ZNF69: variants seen among roughly 807,000 people sequenced by gnomAD.
ZNF69 encodes zinc finger protein 69.
A neutral mutation model predicts 50.9 loss-of-function variants in ZNF69; 47 were observed. The observed-to-expected ratio is 0.92, with a 90% CI of 0.73 to 1.18. The LOEUF (loss-of-function observed/expected upper bound fraction) is 1.18. Among genes scored for constraint, ZNF69 ranks in the 50% most tolerant of loss-of-function variants. The pLI, the probability that ZNF69 is intolerant of heterozygous loss-of-function variation, is 0.00. For synonymous variants in ZNF69, 216 were observed against 223.1 expected (o/e 0.97, Z 0.29); for missense variants, 717 against 675.1 (o/e 1.06, Z -0.69).
the ZNF69 span, chr19:11,978,553 A>G: frequency 7.4e-6 from 12 of 1,614,090 alleles, no homozygotes; most frequent in Non-Finnish European, 1.0e-5. Flanking sequence ...AAAGCTGTCC[A>G]TTGTCTCAGA....
chr19:11,974,171 C>G, the ZNF69 span, among the ~76,000 whole-genome samples: 2 of 91,848 alleles, frequency 2.2e-5, no homozygotes, highest in South Asian at 6.8e-4. Flanking sequence ...TCCTTCCTTC[C>G]TTCCTTCTTT....
At chr19:11,978,052 G>A in the ZNF69 span, 1 of 1,567,160 alleles carries the variant, frequency 6.4e-7, no homozygotes, top group Non-Finnish European at 8.6e-7. Flanking sequence ...AAATGCAAGT[G>A]CAATACTTGA....
chr19:11,888,889 C>T (rs745655038), intron 1 of ZNF69, among the ~76,000 whole-genome samples: 1 of 152,160 alleles, frequency 6.6e-6, no homozygotes, highest in Non-Finnish European at 1.5e-5. Context: ...AAGAGAATTA[C>T]TTGAATCCAG....
chr19:11,899,617 G>A (rs112736536), intron 1 of ZNF69, among the ~76,000 whole-genome samples: 1,722 of 152,178 alleles, frequency 0.011, 14 homozygotes, highest in Non-Finnish European at 0.017. Flanking sequence ...TAGATACAGT[G>A]TGAGAACTTA....
At chr19:11,894,239 G>A (rs7247828) in intron 1 of ZNF69, among the ~76,000 whole-genome samples, 6 of 151,860 alleles carry the variant, frequency 4.0e-5, no homozygotes, top group Non-Finnish European at 7.4e-5. Flanking sequence ...GCACGACCTC[G>A]GCTCACTGCA....
intron 1 of ZNF69, among the ~76,000 whole-genome samples, chr19:11,894,689 A>G (rs1599346258): frequency 6.6e-6 from 1 of 152,152 alleles, no homozygotes; most frequent in African/African-American, 2.4e-5. Context: ...TGAATGCCTT[A>G]CGATGGAAGG....
the ZNF69 span, among the ~76,000 whole-genome samples, chr19:11,935,063 G>C: frequency 6.9e-6 from 1 of 144,310 alleles, no homozygotes; most frequent in Non-Finnish European, 1.5e-5. Flanking sequence ...TATAGTCCCA[G>C]CTACTGGGAG....
chr19:11,904,101 A>T, intron 3 of ZNF69, 136 bp downstream of exon 3: 3 of 1,189,064 alleles, frequency 2.5e-6, no homozygotes, highest in Non-Finnish European at 3.5e-6. Context: ...AAAAACATAT[A>T]TATAAATGTG....
the ZNF69 span, among the ~76,000 whole-genome samples, chr19:11,943,318 C>A: frequency 6.6e-6 from 1 of 152,146 alleles, no homozygotes; most frequent in East Asian, 1.9e-4. Context: ...ATAGACCCCT[C>A]CTTTAGCTGC....
At chr19:11,957,662 T>C in the ZNF69 span, among the ~76,000 whole-genome samples, 1 of 151,860 alleles carries the variant, frequency 6.6e-6, no homozygotes, top group African/African-American at 2.4e-5. Flanking sequence ...CTGGCCAGCA[T>C]GGTGAAACAC....
the ZNF69 span, among the ~76,000 whole-genome samples, chr19:11,966,085 G>T: frequency 6.6e-6 from 1 of 152,188 alleles, no homozygotes; most frequent in African/African-American, 2.4e-5. Context: ...CCTGTTTCTC[G>T]AGATTTTATG....
At chr19:11,904,060 C>T in intron 3 of ZNF69, 95 bp downstream of exon 3, 1 of 1,409,004 alleles carries the variant, frequency 7.1e-7, no homozygotes, top group Non-Finnish European at 9.7e-7. Context: ...AGTCCAGGAT[C>T]AAATACATTT....
At chr19:11,910,093 A>G (rs1038767741), downstream of ZNF69, among the ~76,000 whole-genome samples, 117 of 152,038 alleles carry the variant, frequency 7.7e-4, 1 homozygote, top group Admixed American at 2.1e-3. Context: ...AGAATAAAAT[A>G]CCTAGGAATC....
chr19:11,923,745 T>C, the ZNF69 span, among the ~76,000 whole-genome samples: 1 of 152,228 alleles, frequency 6.6e-6, no homozygotes, highest in Non-Finnish European at 1.5e-5. Context: ...GGTGTCTTAT[T>C]TACACAATGG....
chr19:11,933,651 C>T, the ZNF69 span, among the ~76,000 whole-genome samples: 1 of 147,824 alleles, frequency 6.8e-6, no homozygotes, highest in Non-Finnish European at 1.5e-5. Context: ...AGACTTGCTT[C>T]CTCGATGTAA....
the ZNF69 span, chr19:11,948,952 G>T: frequency 6.2e-7 from 1 of 1,608,462 alleles, no homozygotes; most frequent in African/African-American, 1.3e-5. Context: ...TCAATGCAAA[G>T]AATGTGGAAA....
At chr19:11,921,402 C>G in the ZNF69 span, among the ~76,000 whole-genome samples, 52 of 152,196 alleles carry the variant, frequency 3.4e-4, no homozygotes, top group South Asian at 5.8e-3. Flanking sequence ...CTCCAAGGCT[C>G]AAGTGATCCC....
chr19:11,938,876 C>T, the ZNF69 span, among the ~76,000 whole-genome samples: 1 of 152,190 alleles, frequency 6.6e-6, no homozygotes, highest in African/African-American at 2.4e-5. Context: ...TCCACATCCT[C>T]TCCAGCACCT....
chr19:11,925,300 A>C, the ZNF69 span: 1 of 1,609,268 alleles, frequency 6.2e-7, no homozygotes, highest in Non-Finnish European at 8.5e-7. Context: ...AGATGTCGTG[A>C]GACGGGGGAG....
Sources: allele counts gnomAD v4.1 joint callset (sites outside exome capture counted in the v4.1 genomes callset), GRCh38; gene constraint gnomAD v4.1.1; transcripts MANE v1.5; gene names NCBI Gene and HGNC (gene_info 2026-07-23, HGNC 2026-07-21).